HTR1F: variants seen among roughly 807,000 people sequenced by gnomAD.
HTR1F encodes 5-hydroxytryptamine (serotonin) receptor 1F, G protein-coupled.
Under a neutral mutation model 24.0 loss-of-function variants are expected in HTR1F, and 17 were observed. That is an observed-to-expected ratio of 0.71 (90% confidence interval 0.48 to 1.06). The LOEUF (loss-of-function observed/expected upper bound fraction) is 1.06. Among genes scored for constraint, HTR1F ranks in the 50% least tolerant of loss-of-function variants. The pLI, the probability that HTR1F is intolerant of heterozygous loss-of-function variation, is 0.00. For missense variants in HTR1F, 391 were observed against 427.8 expected, an observed-to-expected ratio of 0.91 and a Z score of 0.76; for synonymous variants, 186 against 156.8, an observed-to-expected ratio of 1.19 and a Z score of -1.39.
Position 87,991,775 on chromosome 3 carries a change from A to T in HTR1F, c.1026A>T (p.Ile342=), listed in dbSNP as rs751480837. The part of the protein sequence containing the change: ...LAWLGYLNSL[I]NPLIYTIFNE... ...GGCTTGGGTATCTCAATTCCCTTAT[A>T]AATCCACTGATTTACACAATCTTTA... Residue 342 remains isoleucine (I), a synonymous_variant, in exon 3 of 3, where the codon ATA becomes ATT. Transcript: ENST00000319595. The T allele has an allele frequency of 1.1e-4, 175 of 1,612,386 alleles. No homozygotes were observed. Among genetic ancestry groups the T allele is most frequent in the Non-Finnish European group, 1.4e-4 (170 of 1,179,312 alleles).
intron 2 of HTR1F, among the ~76,000 whole-genome samples, chr3:87,905,996 T>C (rs1232141639): frequency 6.6e-6 from 1 of 152,096 alleles, no homozygotes; most frequent in Non-Finnish European, 1.5e-5. Flanking sequence ...AAGGTTCAAT[T>C]TCTTGACCTG....
intron 2 of HTR1F, among the ~76,000 whole-genome samples, chr3:87,839,065 A>T: frequency 7.6e-6 from 1 of 130,924 alleles, no homozygotes; most frequent in Non-Finnish European, 1.7e-5. Flanking sequence ...AGTTTGATTT[A>T]ATCTTTTTAT....
intron 2 of HTR1F, among the ~76,000 whole-genome samples, chr3:87,875,321 C>G (rs992491521): frequency 3.3e-5 from 5 of 151,396 alleles, no homozygotes; most frequent in African/African-American, 1.2e-4. Context: ...ATGGTGGTGG[C>G]TGCCTGTAAT....
intron 2 of HTR1F, among the ~76,000 whole-genome samples, chr3:87,882,200 T>C (rs1338513083): frequency 4.6e-5 from 7 of 152,072 alleles, no homozygotes; most frequent in African/African-American, 1.7e-4. Context: ...CACTAAAAAG[T>C]CAGGAAACAA....
At chr3:87,851,985 A>G (rs1252757351) in intron 2 of HTR1F, among the ~76,000 whole-genome samples, 2 of 151,286 alleles carry the variant, frequency 1.3e-5, no homozygotes, top group African/African-American at 4.9e-5. Context: ...AAAAAAAAGA[A>G]TGTACATTTC....
Position 87,990,129 on chromosome 3 carries a change from A to C in HTR1F, c.-42-579A>C, listed in dbSNP as rs141655507. 4.3e-3 allele frequency among the ~76,000 whole-genome samples: 649 copies of C among 152,174 alleles called. 2 individuals are homozygous for C. The highest frequency in any genetic ancestry group is 0.015 in the African/African-American group (602 of 41,512). On this transcript the variant is annotated intron_variant, in intron 2 of 2. Coordinates refer to ENST00000319595, the MANE Select transcript of HTR1F (RefSeq NM_001322209.2). ...TAGACCCCAATAAACTTGTTCGTGG[A>C]GTTTCTTCAGACCCCCAATAAAACT...
intron 2 of HTR1F, among the ~76,000 whole-genome samples, chr3:87,881,300 T>A (rs1008170481): frequency 2.6e-5 from 4 of 151,886 alleles, no homozygotes; most frequent in Non-Finnish European, 5.9e-5. Flanking sequence ...GCTTGGCGGG[T>A]CCCACACCAA....
chr3:87,876,517 C>G (rs1705675901), intron 2 of HTR1F, among the ~76,000 whole-genome samples: 1 of 152,010 alleles, frequency 6.6e-6, no homozygotes, highest in South Asian at 2.1e-4. Flanking sequence ...GTGAAATAAG[C>G]CAATCACAAA....
Position 87,856,341 on chromosome 3 carries a change from G to C in HTR1F, c.-43+34217G>C, listed in dbSNP as rs559444396. Reference sequence around the variant, plus strand: ...ATCCTTATTGTGTAATCAGAATAAAGTAACATTTTAAAATTAGGTATACTT... The same window carrying C: ...ATCCTTATTGTGTAATCAGAATAAACTAACATTTTAAAATTAGGTATACTT... On this transcript the variant is annotated intron_variant, in intron 2 of 2. Transcript: ENST00000319595. 7.2e-5 allele frequency among the ~76,000 whole-genome samples: 11 copies of C among 152,128 alleles called. 1 individual carries two copies. The highest frequency in any genetic ancestry group is 2.6e-4 in the African/African-American group (11 of 41,540).
chr3:87,892,506 A>G (rs1575995938), intron 2 of HTR1F, among the ~76,000 whole-genome samples: 1 of 152,170 alleles, frequency 6.6e-6, no homozygotes, highest in Non-Finnish European at 1.5e-5. Flanking sequence ...CAAAATCAAG[A>G]TATTTTTATA....
chr3:87,945,393 G>A (rs1054902148), intron 2 of HTR1F, among the ~76,000 whole-genome samples: 1 of 152,162 alleles, frequency 6.6e-6, no homozygotes, highest in African/African-American at 2.4e-5. Context: ...AGGGATCAGA[G>A]GAAGTCGATT....
intron 2 of HTR1F, among the ~76,000 whole-genome samples, chr3:87,828,182 G>T (rs1704503628): frequency 6.6e-6 from 1 of 152,122 alleles, no homozygotes; most frequent in African/African-American, 2.4e-5. Flanking sequence ...GTAATTTATA[G>T]CATGTCTCTG....
chr3:87,860,928 G>A (rs947491890), intron 2 of HTR1F, among the ~76,000 whole-genome samples: 7 of 152,072 alleles, frequency 4.6e-5, no homozygotes, highest in Admixed American at 1.3e-4. Context: ...GAAATGAGGC[G>A]GGCAGGTCAC....
intron 1 of HTR1F, among the ~76,000 whole-genome samples, chr3:87,794,593 A>G (rs1199691353): frequency 6.6e-6 from 1 of 152,206 alleles, no homozygotes; most frequent in Non-Finnish European, 1.5e-5. Context: ...GTTAGTATGA[A>G]TCATTTATTC....
chr3:87,801,699 G>A (rs559012473), intron 1 of HTR1F, among the ~76,000 whole-genome samples: 12 of 152,276 alleles, frequency 7.9e-5, no homozygotes, highest in African/African-American at 2.9e-4. Flanking sequence ...TGAGCAGAGG[G>A]ATGACTTTGA....
chr3:87,912,590 G>A (rs1458193300), intron 2 of HTR1F, among the ~76,000 whole-genome samples: 6 of 53,236 alleles, frequency 1.1e-4, no homozygotes, highest in Admixed American at 4.5e-4. Flanking sequence ...TTCGTATAAA[G>A]TTTAAAAAAA....
chr3:87,991,190 T>C lies in HTR1F; in HGVS notation c.441T>C (p.Val147=), dbSNP rs766742686. ...ATGCTGGCATTATGATTACAATAGT[T>C]TGGATTATATCTGTTTTTATCTCTA... ...PKHAGIMITI[V]WIISVFISMP... The change falls in exon 3 of 3, where the codon GTT becomes GTC. Residue 147 remains valine, a synonymous_variant. Coordinates refer to ENST00000319595, the MANE Select transcript of HTR1F (RefSeq NM_001322209.2). The C allele has an allele frequency of 4.3e-6, 7 of 1,614,008 alleles. No homozygotes were observed. The Admixed American group carries it at 1.2e-4, about 27-fold the overall frequency.
chr3:87,868,649 C>A (rs1238695805), intron 2 of HTR1F, among the ~76,000 whole-genome samples: 3 of 151,518 alleles, frequency 2.0e-5, no homozygotes, highest in Non-Finnish European at 4.4e-5. Flanking sequence ...AATGAAACTC[C>A]AAAACAGATA....
At chr3:87,886,452 A>G (rs1010883692) in intron 2 of HTR1F, among the ~76,000 whole-genome samples, 2 of 152,184 alleles carry the variant, frequency 1.3e-5, no homozygotes, top group African/African-American at 4.8e-5. Context: ...GCCCTCTCTC[A>G]CCACTCCTAT....
Sources: allele counts gnomAD v4.1 joint callset (sites outside exome capture counted in the v4.1 genomes callset), GRCh38; gene constraint gnomAD v4.1.1; transcripts MANE v1.5; gene names NCBI Gene and HGNC (gene_info 2026-07-23, HGNC 2026-07-21).